Variants in EYA4 observed in about 807,000 individuals in gnomAD.
EYA4 encodes protein phosphatase EYA4.
A neutral mutation model predicts 87.9 loss-of-function variants in EYA4; 31 were observed. The ratio of observed to expected loss-of-function variants is 0.35; its 90% CI spans 0.27 to 0.48. The LOEUF (loss-of-function observed/expected upper bound fraction) is 0.48. Ranked by LOEUF, EYA4 falls within the 20% of genes least tolerant of loss-of-function variation. The pLI, the probability that EYA4 is intolerant of heterozygous loss-of-function variation, is 0.99. For missense variants in EYA4, 678 were observed against 761.4 expected (o/e 0.89, Z 1.29); for synonymous variants, 263 against 270.6 (o/e 0.97, Z 0.28).
chr6:133,428,873 A>G (rs984631058), intron 3 of EYA4, among the ~76,000 whole-genome samples: 1 of 137,622 alleles, frequency 7.3e-6, no homozygotes, highest in Non-Finnish European at 1.5e-5. Flanking sequence ...ATTAAGAATT[A>G]GGCCTCCATC....
Position 133,461,094 on chromosome 6 carries a change from G to A in EYA4, c.371-20G>A. On this transcript the variant is annotated intron_variant, in intron 6 of 19. Coordinates refer to ENST00000355286, the MANE Select transcript of EYA4 (RefSeq NM_004100.5). Reference sequence around the variant, plus strand: ...TTTATGAAGCAACCTTTGGTGCACTGGTATTTTTGTGTCTTACAGTAATTA... The same window carrying A: ...TTTATGAAGCAACCTTTGGTGCACTAGTATTTTTGTGTCTTACAGTAATTA... 1 of 1,577,272 alleles carries A rather than the reference G, an allele frequency of 6.3e-7. No homozygotes were observed. The highest frequency in any genetic ancestry group is 1.7e-5 in the Admixed American group (1 of 59,924).
At chr6:133,391,049 G>T (rs1787220809) in intron 3 of EYA4, among the ~76,000 whole-genome samples, 1 of 152,196 alleles carries the variant, frequency 6.6e-6, no homozygotes, top group Non-Finnish European at 1.5e-5. Flanking sequence ...CTTGATCCAT[G>T]TGAAGAAATA....
At chr6:133,472,896 A>G (rs1444421990) in intron 11 of EYA4, among the ~76,000 whole-genome samples, 1 of 149,314 alleles carries the variant, frequency 6.7e-6, no homozygotes, top group Non-Finnish European at 1.5e-5. Context: ...AGTCTGTTTT[A>G]TCAGAGACTA....
At chr6:133,524,311 T>G (rs991719371) in intron 18 of EYA4, among the ~76,000 whole-genome samples, 16 of 152,228 alleles carry the variant, frequency 1.1e-4, no homozygotes, top group Non-Finnish European at 2.4e-4. Flanking sequence ...CAAAATCATT[T>G]TTATTTTTTC....
chr6:133,342,377 G>C (rs1261131900), intron 2 of EYA4, among the ~76,000 whole-genome samples: 1 of 146,930 alleles, frequency 6.8e-6, no homozygotes, highest in Non-Finnish European at 1.5e-5. Flanking sequence ...CACATATTCA[G>C]AGTCCAGCCA....
At chr6:133,399,865 TTAAAC>T (rs1047130606) in intron 3 of EYA4, among the ~76,000 whole-genome samples, 1 of 152,158 alleles carries the variant, frequency 6.6e-6, no homozygotes, top group African/African-American at 2.4e-5. Flanking sequence ...CTCCCATAGT[TTAAAC>T]AAAATTAAAT....
intron 5 of EYA4, among the ~76,000 whole-genome samples, chr6:133,452,078 TCCAAA>T (rs1332398099): frequency 6.6e-6 from 1 of 152,036 alleles, no homozygotes; most frequent in Non-Finnish European, 1.5e-5. Flanking sequence ...AATATATTGA[TCCAAA>T]CAAGCATAAA....
intron 1 of EYA4, among the ~76,000 whole-genome samples, chr6:133,274,274 T>A (rs923784334): frequency 1.3e-5 from 2 of 152,186 alleles, no homozygotes; most frequent in African/African-American, 4.8e-5. Flanking sequence ...AATAATCATC[T>A]GATAATTCAA....
chr6:133,289,539 TAAG>T (rs886300045), intron 2 of EYA4, among the ~76,000 whole-genome samples: 1 of 152,180 alleles, frequency 6.6e-6, no homozygotes, highest in African/African-American at 2.4e-5. Context: ...TTGAAACAAT[TAAG>T]AAGATAAAGG....
intron 13 of EYA4, among the ~76,000 whole-genome samples, chr6:133,500,369 C>A (rs528370595): frequency 6.6e-6 from 1 of 152,154 alleles, no homozygotes; most frequent in African/African-American, 2.4e-5. Context: ...CACTATAACC[C>A]TACTTTTCCA....
chr6:133,512,764 A>T lies in EYA4; in HGVS notation c.1325A>T (p.Asn442Ile). 1 of 1,613,616 alleles carries T rather than the reference A, an allele frequency of 6.2e-7. No individual in the cohort carries two copies. The highest frequency in any genetic ancestry group is 1.7e-4 in the Middle Eastern group (1 of 6,060). The change falls in exon 15 of 20, where the codon AAT becomes ATT. Residue 442 changes from asparagine (N) to isoleucine (I), a missense_variant. By Grantham distance (149) the Asn-to-Ile change is moderately radical (BLOSUM62 -3). Coordinates refer to ENST00000355286, the MANE Select transcript of EYA4 (RefSeq NM_004100.5). ...ATAGATGATGTTTCCTCTGATGATA[A>T]TGGGCAGGACTTAAGGTAAGCTATG... is the stretch of plus-strand genomic sequence containing the variant. ...VHIDDVSSDD[N>I]GQDLSTYSFA...
intron 7 of EYA4, 196 bp from the exon 8 acceptor site, chr6:133,462,139 C>A: frequency 1.5e-6 from 1 of 651,308 alleles, no homozygotes; most frequent in South Asian, 1.8e-5. Context: ...AATCATTTGT[C>A]TATGGTCACT....
chr6:133,530,151 C>T lies in EYA4; in HGVS notation c.*1346C>T, dbSNP rs772550313. ...TCATCATAAATTAAATTAGCAAGTG[C>T]GCTGGATCTTGGCAGCGCTGCTGAA... On this transcript the variant is annotated 3_prime_UTR_variant, in exon 20 of 20. Transcript: ENST00000355286. 92 of 984,934 alleles carry T rather than the reference C, an allele frequency of 9.3e-5. No homozygotes were observed. Among genetic ancestry groups the T allele is most frequent in the African/African-American group, 3.0e-4 (17 of 57,206 alleles). The allele number at this position is 984,934 out of a possible 1,614,324, so 61.0% of individuals were successfully genotyped here. A position where few individuals can be genotyped will look rare whatever the true frequency, so the allele number is the denominator to read the frequency against.
At chr6:133,452,601 A>G (rs1406084067) in intron 5 of EYA4, among the ~76,000 whole-genome samples, 1 of 152,120 alleles carries the variant, frequency 6.6e-6, no homozygotes, top group Non-Finnish European at 1.5e-5. Context: ...TTTAGTAGCC[A>G]TTACTGGTAC....
intron 3 of EYA4, among the ~76,000 whole-genome samples, chr6:133,399,972 G>A (rs1788119134): frequency 6.6e-6 from 1 of 152,024 alleles, no homozygotes; most frequent in African/African-American, 2.4e-5. Context: ...AGTGAACTAG[G>A]GTTTTCAAAT....
chr6:133,507,545 G>T (rs1798754284), intron 14 of EYA4, among the ~76,000 whole-genome samples: 1 of 152,000 alleles, frequency 6.6e-6, no homozygotes, highest in South Asian at 2.1e-4. Flanking sequence ...CCCATCACAG[G>T]CCCCAGTGTG....
At chr6:133,291,465 T>A (rs921252258) in intron 2 of EYA4, among the ~76,000 whole-genome samples, 1 of 152,196 alleles carries the variant, frequency 6.6e-6, no homozygotes, top group Non-Finnish European at 1.5e-5. Context: ...AATAAACATC[T>A]TTGGCAAATT....
intron 2 of EYA4, among the ~76,000 whole-genome samples, chr6:133,279,418 G>A (rs1050896323): frequency 6.6e-6 from 1 of 151,866 alleles, no homozygotes; most frequent in Non-Finnish European, 1.5e-5. Context: ...GTTACATATT[G>A]TATGATTCAT....
intron 5 of EYA4, among the ~76,000 whole-genome samples, chr6:133,450,700 T>C (rs1044462584): frequency 6.6e-6 from 1 of 152,148 alleles, no homozygotes; most frequent in Non-Finnish European, 1.5e-5. Flanking sequence ...TAGTAGAGGC[T>C]GGGTTTCACC....
Sources: allele counts gnomAD v4.1 joint callset (sites outside exome capture counted in the v4.1 genomes callset), GRCh38; gene constraint gnomAD v4.1.1; transcripts MANE v1.5; gene names NCBI Gene and HGNC (gene_info 2026-07-23, HGNC 2026-07-21).